NEDD4: variants seen among roughly 807,000 people sequenced by gnomAD.
The protein encoded by NEDD4 is E3 ubiquitin-protein ligase NEDD4.
A neutral mutation model predicts 144.9 loss-of-function variants in NEDD4; 99 were observed. The ratio of observed to expected loss-of-function variants is 0.68; its 90% CI spans 0.58 to 0.81. The LOEUF (loss-of-function observed/expected upper bound fraction) is 0.81. Ranked by LOEUF, NEDD4 falls within the 30% of genes least tolerant of loss-of-function variation. NEDD4 has a pLI of 0.00. For missense variants in NEDD4, 985 were observed against 1,065.9 expected, an observed-to-expected ratio of 0.92 and a Z score of 1.06; for synonymous variants, 318 against 350.6, an observed-to-expected ratio of 0.91 and a Z score of 1.04.
At chr15:55,873,427 T>C (rs1406929146) in intron 6 of NEDD4, among the ~76,000 whole-genome samples, 5 of 152,314 alleles carry the variant, frequency 3.3e-5, no homozygotes, top group African/African-American at 1.2e-4. Flanking sequence ...TGGCTTTTCT[T>C]CCTCACTTTT....
intron 4 of NEDD4, among the ~76,000 whole-genome samples, chr15:55,942,476 T>C (rs1051895670): frequency 3.9e-5 from 6 of 152,172 alleles, no homozygotes. Context: ...AAGCGACTTC[T>C]TATGAGATTT....
chr15:55,966,595 T>A (rs2037516680), intron 1 of NEDD4, 49 bp from the exon 2 acceptor site: 2 of 982,096 alleles, frequency 2.0e-6, no homozygotes, highest in East Asian at 2.9e-5. Context: ...ATAAGTTAAC[T>A]AAGACACAAT....
rs773964525 is a variant in NEDD4, at chr15:55,828,173, G to A, written c.*1724C>T. On this transcript the variant is annotated 3_prime_UTR_variant, in exon 29 of 29. Coordinates refer to ENST00000435532, the MANE Select transcript of NEDD4 (RefSeq NM_006154.4). ...CTGTGGTGTTTGGAAAGTAGAAAGTGGTTTTGCTACTGTCACATTTCAGAT... is the reference window on the plus strand; with the variant it reads ...CTGTGGTGTTTGGAAAGTAGAAAGTAGTTTTGCTACTGTCACATTTCAGAT... 1.3e-5 allele frequency: 2 copies of A among 152,062 alleles called. No homozygotes were observed. The highest frequency in any genetic ancestry group is 2.4e-5 in the African/African-American group (1 of 41,394). 9.4% of individuals were successfully genotyped at this position (152,062 alleles called of 1,614,324 possible). A position where few individuals can be genotyped will look rare whatever the true frequency, so the allele number is the denominator to read the frequency against.
At chr15:55,840,973 G>A (rs1197025673) in intron 19 of NEDD4, among the ~76,000 whole-genome samples, 1 of 152,070 alleles carries the variant, frequency 6.6e-6, no homozygotes, top group Non-Finnish European at 1.5e-5. Context: ...TCTTGCTCTC[G>A]CCCAGGCTGG....
At position 55,830,672 on chromosome 15, in the gene NEDD4, C is replaced by T. The variant is rs2032906758; in HGVS notation, c.2528-86G>A. 7 of 979,462 alleles carry T rather than the reference C, an allele frequency of 7.1e-6. No homozygotes were observed. The South Asian group carries it at 9.1e-5, about 13-fold the overall frequency. 60.7% of individuals were successfully genotyped at this position (979,462 alleles called of 1,614,324 possible). On this transcript the variant is annotated intron_variant, in intron 27 of 28. Coordinates refer to ENST00000435532, the MANE Select transcript of NEDD4 (RefSeq NM_006154.4). ...AACTTTTTCTAGTGTACACTAGTTC[C>T]TACACACACACAGGGAACTAATCTG...
chr15:55,881,143 CTT>C (rs67958165), intron 5 of NEDD4, among the ~76,000 whole-genome samples: 2,771 of 137,834 alleles, frequency 0.02, 85 homozygotes, highest in African/African-American at 0.068. Context: ...CTTTTCTTTT[CTT>C]TTTTTTTTTT....
chr15:55,974,513 C>G (rs1405098230), intron 1 of NEDD4, among the ~76,000 whole-genome samples: 7 of 151,966 alleles, frequency 4.6e-5, no homozygotes, highest in Non-Finnish European at 1.0e-4. Context: ...ATGCAAAAAT[C>G]CGTAATAAAA....
intron 4 of NEDD4, among the ~76,000 whole-genome samples, chr15:55,927,218 G>A (rs144608484): frequency 1.3e-5 from 2 of 151,778 alleles, no homozygotes; most frequent in Non-Finnish European, 1.5e-5. Context: ...TAAATGAGAA[G>A]GTATAGAGAA....
intron 4 of NEDD4, among the ~76,000 whole-genome samples, chr15:55,949,020 C>CTA (rs2037179182): frequency 6.6e-6 from 1 of 152,072 alleles, no homozygotes. Context: ...AACAGGCAAC[C>CTA]TATAGAATGG....
Position 55,863,066 on chromosome 15 carries a change from A to G in NEDD4, c.521T>C (p.Val174Ala). 1 of 1,586,492 alleles carries G rather than the reference A, an allele frequency of 6.3e-7. No homozygotes were observed. The highest frequency in any genetic ancestry group is 8.6e-7 in the Non-Finnish European group (1 of 1,161,582). ...GCAAGCAGCATCTGGTTGGTCCAAA[A>G]CAACCCAGCCAGGCTGAAAAACAGG... ...QAEELEPGWV[V>A]LDQPDAACHL... The change falls in exon 9 of 29, where the codon GTT (valine) becomes GCT (alanine). Residue 174 changes from valine (V) to alanine (A), a missense_variant. By Grantham distance (64) the Val-to-Ala change is moderately conservative (BLOSUM62 0). Coordinates refer to ENST00000435532, the MANE Select transcript of NEDD4 (RefSeq NM_006154.4).
intron 4 of NEDD4, among the ~76,000 whole-genome samples, chr15:55,940,547 C>CTCTCTCTCTCTCTCTCT (rs2036982218): frequency 2.0e-5 from 2 of 99,018 alleles, no homozygotes; most frequent in East Asian, 4.6e-4. Flanking sequence ...TCTCTCTCTG[C>CTCTCTCTCTCTCTCTCT]CTCTCTGCCT....
chr15:55,945,515 G>C (rs1335155495), intron 4 of NEDD4, among the ~76,000 whole-genome samples: 1 of 152,144 alleles, frequency 6.6e-6, no homozygotes, highest in Non-Finnish European at 1.5e-5. Flanking sequence ...GGGACTATGT[G>C]AAAAGACCAA....
chr15:55,881,460 G>A (rs1398362266), intron 5 of NEDD4, among the ~76,000 whole-genome samples: 2 of 151,842 alleles, frequency 1.3e-5, no homozygotes, highest in Non-Finnish European at 2.9e-5. Context: ...CTTTATTCCT[G>A]TTTTTATCAC....
At chr15:55,847,131 AAG>A (rs1387107519) in intron 17 of NEDD4, 97 bp from the exon 18 acceptor site, 1 of 640,456 alleles carries the variant, frequency 1.6e-6, no homozygotes. Context: ...AGGGCATTAA[AAG>A]AAAAATATTT....
chr15:55,852,191 G>A (rs890705161), intron 13 of NEDD4, among the ~76,000 whole-genome samples: 2 of 151,924 alleles, frequency 1.3e-5, no homozygotes, highest in Admixed American at 6.6e-5. Flanking sequence ...ATCTACTCAG[G>A]AGGGTGAGGC....
chr15:55,920,886 A>G (rs1458411142), intron 5 of NEDD4, among the ~76,000 whole-genome samples: 4 of 152,152 alleles, frequency 2.6e-5, no homozygotes, highest in Non-Finnish European at 5.9e-5. Context: ...AGAGGACTAG[A>G]ATGACACACA....
At chr15:55,970,632 C>G (rs1566973302) in intron 1 of NEDD4, among the ~76,000 whole-genome samples, 1 of 152,194 alleles carries the variant, frequency 6.6e-6, no homozygotes, top group African/African-American at 2.4e-5. Flanking sequence ...ACAAGAGTCT[C>G]TGCCTGGTAA....
intron 5 of NEDD4, among the ~76,000 whole-genome samples, chr15:55,899,342 C>T (rs2035838287): frequency 6.6e-6 from 1 of 152,160 alleles, no homozygotes; most frequent in South Asian, 2.1e-4. Flanking sequence ...ATTATTCTTA[C>T]AATTTGATTA....
intron 1 of NEDD4, among the ~76,000 whole-genome samples, chr15:55,979,433 A>G (rs1246554913): frequency 1.4e-5 from 2 of 141,428 alleles, no homozygotes; most frequent in Non-Finnish European, 3.0e-5. Context: ...GGCTCACTGC[A>G]AGCTCCGCTT....
Sources: gnomAD v4.1 joint callset for allele counts (sites outside exome capture counted in the v4.1 genomes callset) on GRCh38, gnomAD v4.1.1 for gene constraint, MANE v1.5 for transcripts, NCBI Gene and HGNC (gene_info 2026-07-23, HGNC 2026-07-21) for gene names.